The following RUNX1 variants were observed in gnomAD, a reference collection of about 807,000 sequenced individuals.
RUNX1 encodes the protein runt-related transcription factor 1.
A neutral mutation model predicts 42.8 loss-of-function variants in RUNX1; 19 were observed. That is an observed-to-expected ratio of 0.44 (90% CI 0.31 to 0.65). The LOEUF (loss-of-function observed/expected upper bound fraction) is 0.65, where lower values mean the gene tolerates loss of function less well. RUNX1 is among the 30% of genes least tolerant of loss of function. The probability of loss-of-function intolerance (pLI) is 0.07; values close to 1 mark genes in which losing one functional copy is unlikely to be tolerated. For missense variants in RUNX1, 528 were observed against 672.0 expected, an observed-to-expected ratio of 0.79 and a Z score of 2.37; for synonymous variants, 271 against 289.4, an observed-to-expected ratio of 0.94 and a Z score of 0.64.
chr21:34,818,749 GC>G (rs1165049472), intron 7 of RUNX1, among the ~76,000 whole-genome samples: 1 of 152,220 alleles, frequency 6.6e-6, no homozygotes, highest in Non-Finnish European at 1.5e-5. Context: ...TTGGGCAGAT[GC>G]CTGCAGACTG....
intron 5 of RUNX1, among the ~76,000 whole-genome samples, chr21:34,863,249 C>T (rs543427859): frequency 1.3e-5 from 2 of 152,284 alleles, no homozygotes; most frequent in South Asian, 2.1e-4. Flanking sequence ...AATCTCCACC[C>T]GCAAACCCAA....
intron 2 of RUNX1, among the ~76,000 whole-genome samples, chr21:35,009,252 G>T (rs1324126288): frequency 6.6e-6 from 1 of 152,164 alleles, no homozygotes; most frequent in Non-Finnish European, 1.5e-5. Context: ...GCTAGATCAC[G>T]TGTTCTTTTA....
chr21:34,850,590 T>C (rs1405449748), intron 6 of RUNX1, among the ~76,000 whole-genome samples: 2 of 152,206 alleles, frequency 1.3e-5, no homozygotes, highest in African/African-American at 4.8e-5. Context: ...GCACTGATGT[T>C]TGATGTCACC....
At chr21:34,826,183 GC>G in intron 7 of RUNX1, among the ~76,000 whole-genome samples, 1 of 152,324 alleles carries the variant, frequency 6.6e-6, no homozygotes, top group South Asian at 2.1e-4. Flanking sequence ...TGTTGATGAG[GC>G]CTTTGCAGGG....
intron 3 of RUNX1, among the ~76,000 whole-genome samples, chr21:34,889,402 G>A (rs368894651): frequency 2.0e-5 from 3 of 152,050 alleles, no homozygotes; most frequent in Non-Finnish European, 4.4e-5. Flanking sequence ...TTACCGCTGC[G>A]CCCGGGCCGC....
intron 2 of RUNX1, among the ~76,000 whole-genome samples, chr21:34,990,742 C>T (rs895858794): frequency 2.0e-5 from 3 of 151,988 alleles, no homozygotes; most frequent in Non-Finnish European, 4.4e-5. Context: ...CAGGCACCCA[C>T]CACCACGCCT....
At chr21:34,987,866 G>T (rs2058904113) in intron 2 of RUNX1, among the ~76,000 whole-genome samples, 1 of 152,156 alleles carries the variant, frequency 6.6e-6, no homozygotes, top group Non-Finnish European at 1.5e-5. Context: ...CTCTAGAGGG[G>T]ACAGTCTTGT....
intron 2 of RUNX1, among the ~76,000 whole-genome samples, chr21:34,958,129 A>T (rs1328074981): frequency 6.6e-6 from 1 of 152,174 alleles, no homozygotes; most frequent in Non-Finnish European, 1.5e-5. Context: ...TAACAGGCTG[A>T]TGTGTGGCCA....
Position 34,821,575 on chromosome 21 carries a change from C to T in RUNX1, c.805+12835G>A, listed in dbSNP as rs538168358. ...TCATAACGTGCATTCTGAGGGCTGT[C>T]ATCTTTCTTCTGAGTCTCTTCTGAG... On this transcript the variant is annotated intron_variant, in intron 7 of 8. Transcript: ENST00000675419. 13 of 1,544,694 alleles carry T rather than the reference C, an allele frequency of 8.4e-6. No homozygotes were observed. In the East Asian group the frequency reaches 3.2e-4, roughly 38 times the overall value.
At chr21:34,893,004 T>TTAAAAA in intron 2 of RUNX1, 41 bp from the exon 3 acceptor site, 3 of 1,377,576 alleles carry the variant, frequency 2.2e-6, no homozygotes, top group Non-Finnish European at 3.1e-6. Context: ...TAATGCAAGT[T>TTAAAAA]TAAAAATTAA....
At chr21:34,840,203 G>T (rs778181254) in intron 6 of RUNX1, among the ~76,000 whole-genome samples, 12 of 152,176 alleles carry the variant, frequency 7.9e-5, no homozygotes, top group Non-Finnish European at 1.5e-4. Context: ...TGGCAGGGAA[G>T]GGTTACATGG....
intron 2 of RUNX1, among the ~76,000 whole-genome samples, chr21:34,903,755 G>A (rs1029915652): frequency 6.6e-6 from 1 of 152,092 alleles, no homozygotes; most frequent in African/African-American, 2.4e-5. Context: ...TTCAAATTTG[G>A]AAAACAGACT....
intron 2 of RUNX1, among the ~76,000 whole-genome samples, chr21:34,922,722 C>T (rs950063000): frequency 2.6e-5 from 4 of 152,232 alleles, no homozygotes; most frequent in African/African-American, 9.6e-5. Flanking sequence ...GTTCCCTCAT[C>T]TCTTCCTCAT....
intron 2 of RUNX1, among the ~76,000 whole-genome samples, chr21:34,955,825 C>A (rs964407769): frequency 6.6e-6 from 1 of 152,132 alleles, no homozygotes; most frequent in African/African-American, 2.4e-5. Context: ...AATGAAATGC[C>A]TTTCTCTAAT....
chr21:34,862,527 C>A (rs914513399), intron 5 of RUNX1, among the ~76,000 whole-genome samples: 4 of 152,234 alleles, frequency 2.6e-5, no homozygotes, highest in African/African-American at 9.6e-5. Flanking sequence ...CACACTCCCC[C>A]TGAGGGCTCT....
At chr21:35,027,438 T>C (rs568959014) in intron 2 of RUNX1, among the ~76,000 whole-genome samples, 1 of 152,328 alleles carries the variant, frequency 6.6e-6, no homozygotes, top group South Asian at 2.1e-4. Context: ...ACACTGTGAA[T>C]AGCAAGGCGT....
intron 8 of RUNX1, among the ~76,000 whole-genome samples, chr21:34,794,615 A>G (rs1168219058): frequency 6.6e-6 from 1 of 152,162 alleles, no homozygotes; most frequent in African/African-American, 2.4e-5. Flanking sequence ...AGTTTCACCA[A>G]CTGGCTTTAG....
chr21:34,874,610 CAAAAAAA>C (rs59950735), intron 5 of RUNX1, among the ~76,000 whole-genome samples: 21 of 25,298 alleles, frequency 8.3e-4, no homozygotes, highest in Admixed American at 3.2e-3. Context: ...AACTCTGTCT[CAAAAAAA>C]AAAAAAAAAA....
intron 2 of RUNX1, among the ~76,000 whole-genome samples, chr21:35,007,481 G>A (rs1311482267): frequency 1.3e-5 from 2 of 152,146 alleles, no homozygotes; most frequent in African/African-American, 2.4e-5. Flanking sequence ...TAGGTGACCC[G>A]CCGTCCTTTG....
Sources: allele counts gnomAD v4.1 joint callset (sites outside exome capture counted in the v4.1 genomes callset), GRCh38; gene constraint gnomAD v4.1.1; transcripts MANE v1.5; gene names NCBI Gene and HGNC (gene_info 2026-07-23, HGNC 2026-07-21).